Variants in NR3C2 observed in about 807,000 individuals in gnomAD.
NR3C2 encodes the protein nuclear receptor subfamily 3 group C member 2, also known as mineralocorticoid receptor.
In NR3C2, 15 loss-of-function variants were observed where a neutral mutation model predicts 86.4. The observed-to-expected ratio is 0.17, with a 90% CI of 0.12 to 0.27. The LOEUF (loss-of-function observed/expected upper bound fraction) is 0.27. NR3C2 is among the 10% of genes least tolerant of loss of function. The probability of loss-of-function intolerance (pLI) is 1.00; values close to 1 mark genes in which losing one functional copy is unlikely to be tolerated. For synonymous variants in NR3C2, 458 were observed against 450.5 expected (o/e 1.02, Z -0.21); for missense variants, 960 against 1,195.6 (o/e 0.80, Z 2.91).
chr4:148,084,380 G>A (rs1398737768), intron 8 of NR3C2, among the ~76,000 whole-genome samples: 2 of 152,168 alleles, frequency 1.3e-5, no homozygotes, highest in African/African-American at 4.8e-5. Flanking sequence ...ATTCTTAAAA[G>A]AATTTTCAAC....
intron 3 of NR3C2, among the ~76,000 whole-genome samples, chr4:148,235,815 T>C (rs928167627): frequency 2.6e-5 from 4 of 152,238 alleles, no homozygotes; most frequent in Admixed American, 2.0e-4. Context: ...TTTAGAACCA[T>C]GTCTATTTTT....
At chr4:148,340,780 A>C (rs560521433) in intron 2 of NR3C2, among the ~76,000 whole-genome samples, 1 of 152,268 alleles carries the variant, frequency 6.6e-6, no homozygotes, top group East Asian at 1.9e-4. Flanking sequence ...AATTTAAAAA[A>C]CCAAATAATC....
chr4:148,422,692 T>G (rs1749340257), intron 2 of NR3C2, among the ~76,000 whole-genome samples: 1 of 152,148 alleles, frequency 6.6e-6, no homozygotes, highest in Non-Finnish European at 1.5e-5. Context: ...TGTCACTATT[T>G]CTAATTCATT....
At chr4:148,444,870 G>C, upstream of NR3C2, 1 of 984,990 alleles carries the variant, frequency 1.0e-6, no homozygotes, top group Non-Finnish European at 1.2e-6. Context: ...CGGGAAGTCC[G>C]GCAGGAGGAT....
intron 2 of NR3C2, among the ~76,000 whole-genome samples, chr4:148,281,399 A>G (rs1741230592): frequency 6.6e-6 from 1 of 152,258 alleles, no homozygotes; most frequent in Non-Finnish European, 1.5e-5. Flanking sequence ...TAACACAGTG[A>G]CTTACGTCCT....
At chr4:148,414,985 A>G (rs1341355168) in intron 2 of NR3C2, among the ~76,000 whole-genome samples, 2 of 152,256 alleles carry the variant, frequency 1.3e-5, no homozygotes, top group Non-Finnish European at 2.9e-5. Context: ...ATATGCATAA[A>G]TGCAAATCTT....
intron 4 of NR3C2, among the ~76,000 whole-genome samples, chr4:148,183,436 C>T (rs536383010): frequency 9.2e-5 from 14 of 152,322 alleles, no homozygotes; most frequent in African/African-American, 3.1e-4. Context: ...ACACTCCCAC[C>T]AACAGTGTAA....
intron 4 of NR3C2, among the ~76,000 whole-genome samples, chr4:148,160,243 G>C (rs538206708): frequency 2.0e-5 from 3 of 152,228 alleles, no homozygotes; most frequent in Admixed American, 2.0e-4. Context: ...GCACTGGGGA[G>C]GCCCTGCTTC....
At chr4:148,384,149 G>C (rs1331392963) in intron 2 of NR3C2, among the ~76,000 whole-genome samples, 1 of 151,618 alleles carries the variant, frequency 6.6e-6, no homozygotes, top group African/African-American at 2.4e-5. Flanking sequence ...GAATTTAAAT[G>C]ATCATTTATA....
At chr4:148,415,301 T>C (rs2126584656) in intron 2 of NR3C2, among the ~76,000 whole-genome samples, 1 of 152,346 alleles carries the variant, frequency 6.6e-6, no homozygotes, top group Middle Eastern at 3.4e-3. Context: ...GGAGGAAAGA[T>C]CATTAATATA....
intron 2 of NR3C2, among the ~76,000 whole-genome samples, chr4:148,298,129 T>A (rs1261279595): frequency 6.6e-6 from 1 of 152,144 alleles, no homozygotes; most frequent in Non-Finnish European, 1.5e-5. Flanking sequence ...TTATTACATT[T>A]TCAGAAAGAC....
At chr4:148,229,573 C>A (rs991217575) in intron 3 of NR3C2, among the ~76,000 whole-genome samples, 4 of 152,170 alleles carry the variant, frequency 2.6e-5, no homozygotes, top group African/African-American at 9.6e-5. Flanking sequence ...GGTTTCTTGG[C>A]AGAAGGAGAT....
chr4:148,345,561 A>G (rs755637255), intron 2 of NR3C2, among the ~76,000 whole-genome samples: 16 of 152,020 alleles, frequency 1.1e-4, no homozygotes, highest in Non-Finnish European at 1.8e-4. Flanking sequence ...ATTTTCTTAC[A>G]TAAGACATAA....
chr4:148,390,581 A>G (rs1472003457), intron 2 of NR3C2, among the ~76,000 whole-genome samples: 1 of 152,182 alleles, frequency 6.6e-6, no homozygotes, highest in African/African-American at 2.4e-5. Context: ...GAAAAATACA[A>G]CAAGGTTCTA....
At chr4:148,210,789 A>T (rs1444034808) in intron 3 of NR3C2, among the ~76,000 whole-genome samples, 1 of 152,234 alleles carries the variant, frequency 6.6e-6, no homozygotes, top group Non-Finnish European at 1.5e-5. Flanking sequence ...TATTACACTA[A>T]TATGTTAAAT....
intron 8 of NR3C2, among the ~76,000 whole-genome samples, chr4:148,095,843 A>G (rs948772175): frequency 2.8e-4 from 42 of 152,270 alleles, no homozygotes; most frequent in Admixed American, 1.5e-3. Context: ...ATGAGAAATC[A>G]AGGTCATTTC....
At chr4:148,199,080 C>CAAAAAAAAAAAAA (rs60075012) in intron 3 of NR3C2, among the ~76,000 whole-genome samples, 1 of 37,498 alleles carries the variant, frequency 2.7e-5, no homozygotes, top group Non-Finnish European at 5.7e-5. Flanking sequence ...GACTCCATCT[C>CAAAAAAAAAAAAA]AAAAAAAAAA....
chr4:148,162,716 G>A (rs1183706168), intron 4 of NR3C2, among the ~76,000 whole-genome samples: 2 of 152,112 alleles, frequency 1.3e-5, no homozygotes, highest in Admixed American at 6.5e-5. Flanking sequence ...AGTGCCCTCC[G>A]GCATCTCTTA....
intron 3 of NR3C2, among the ~76,000 whole-genome samples, chr4:148,234,661 C>T (rs183002834): frequency 7.9e-5 from 11 of 138,988 alleles, no homozygotes; most frequent in South Asian, 2.3e-4. Flanking sequence ...CCAACCTGGG[C>T]GACACAGTGA....
Sources: gnomAD v4.1 joint callset for allele counts (sites outside exome capture counted in the v4.1 genomes callset) on GRCh38, gnomAD v4.1.1 for gene constraint, MANE v1.5 for transcripts, NCBI Gene and HGNC (gene_info 2026-07-23, HGNC 2026-07-21) for gene names.